Variants in BBS9 observed in about 807,000 individuals in gnomAD.
The protein encoded by BBS9 is Bardet-Biedl syndrome 9.
In BBS9, 89 loss-of-function variants were observed where a neutral mutation model predicts 117.7. The observed-to-expected ratio is 0.76, with a 90% CI of 0.64 to 0.90. The LOEUF (loss-of-function observed/expected upper bound fraction) is 0.90, where lower values mean the gene tolerates loss of function less well. Among genes scored for constraint, BBS9 ranks in the 40% least tolerant of loss-of-function variants. BBS9 has a pLI of 0.00. For synonymous variants in BBS9, 379 were observed against 370.9 expected (o/e 1.02, Z -0.25); for missense variants, 982 against 1,042.2 (o/e 0.94, Z 0.80).
At chr7:33,459,376 C>T (rs1270542842) in intron 19 of BBS9, among the ~76,000 whole-genome samples, 1 of 151,636 alleles carries the variant, frequency 6.6e-6, no homozygotes, top group Admixed American at 6.6e-5. Flanking sequence ...GAGAGGATAC[C>T]ATTGGCATCT....
At chr7:33,592,476 T>C (rs1405323385) in intron 21 of BBS9, among the ~76,000 whole-genome samples, 66 of 152,118 alleles carry the variant, frequency 4.3e-4, no homozygotes, top group Admixed American at 4.3e-3. Context: ...CTCTTTTCTT[T>C]AAAATACGAC....
chr7:33,351,193 T>G, intron 13 of BBS9, 26 bp from the exon 14 acceptor site: 1 of 1,477,644 alleles, frequency 6.8e-7, no homozygotes, highest in Non-Finnish European at 9.5e-7. Context: ...ATTATGTAAT[T>G]TATATTATTT....
At chr7:33,464,278 C>A (rs1839871465) in intron 19 of BBS9, among the ~76,000 whole-genome samples, 1 of 151,962 alleles carries the variant, frequency 6.6e-6, no homozygotes, top group South Asian at 2.1e-4. Flanking sequence ...TTTTGGTAAC[C>A]TGGGGTAATT....
At chr7:33,335,062 A>G (rs777940634) in intron 9 of BBS9, among the ~76,000 whole-genome samples, 1 of 152,176 alleles carries the variant, frequency 6.6e-6, no homozygotes, top group Non-Finnish European at 1.5e-5. Flanking sequence ...GAGCTTTTAG[A>G]TTAATGAAAT....
intron 5 of BBS9, among the ~76,000 whole-genome samples, chr7:33,217,101 CA>C (rs1789223145): frequency 6.6e-6 from 1 of 151,268 alleles, no homozygotes. Context: ...TCTCCAAAAA[CA>C]AAAAAAATTA....
intron 9 of BBS9, among the ~76,000 whole-genome samples, chr7:33,315,964 G>A (rs1810415178): frequency 6.6e-6 from 1 of 151,840 alleles, no homozygotes; most frequent in Admixed American, 6.6e-5. Flanking sequence ...ATGGCTTTTT[G>A]TAAGGTAAAA....
rs1815377056 is a variant in BBS9, at chr7:33,336,473, A to G, written c.1049A>G (p.Asp350Gly). The G allele has an allele frequency of 6.2e-7, 1 of 1,613,800 alleles. No individual in the cohort carries two copies. Among genetic ancestry groups the G allele is most frequent in the African/African-American group, 1.3e-5 (1 of 74,914 alleles). Reference protein sequence around the residue: ...DLKGVIVTLSDDGHLQCSYLG... With the variant: ...DLKGVIVTLSGDGHLQCSYLG... ...AAGGGAGTGATAGTCACTCTGAGTG[A>G]TGATGGTCACTTGCAGTGTTCATAC... The change falls in exon 10 of 23, where the codon GAT (aspartate) becomes GGT (glycine). Residue 350 changes from aspartate (D) to glycine (G), a missense_variant. Asp to Gly is a moderately conservative substitution (Grantham distance 94, BLOSUM62 -1). Transcript: ENST00000242067.
intron 19 of BBS9, among the ~76,000 whole-genome samples, chr7:33,465,111 A>G (rs1457564637): frequency 6.6e-6 from 1 of 152,000 alleles, no homozygotes; most frequent in East Asian, 1.9e-4. Context: ...GTTCTTCCAT[A>G]AAAGCCAGAG....
intron 4 of BBS9, among the ~76,000 whole-genome samples, chr7:33,160,191 T>C (rs1794642755): frequency 6.6e-6 from 1 of 152,226 alleles, no homozygotes; most frequent in African/African-American, 2.4e-5. Flanking sequence ...TCATGAGGGA[T>C]ACATTTCTAA....
intron 19 of BBS9, among the ~76,000 whole-genome samples, chr7:33,474,404 A>C (rs1244426169): frequency 6.6e-6 from 1 of 152,160 alleles, no homozygotes; most frequent in African/African-American, 2.4e-5. Flanking sequence ...TTTGCCCCTT[A>C]ACTTTAATTT....
intron 5 of BBS9, among the ~76,000 whole-genome samples, chr7:33,219,004 G>A (rs1035199306): frequency 3.9e-5 from 6 of 152,348 alleles, no homozygotes; most frequent in East Asian, 1.9e-4. Flanking sequence ...CCCGGGCTGC[G>A]GGCGGCGCTT....
intron 19 of BBS9, among the ~76,000 whole-genome samples, chr7:33,477,186 C>T (rs1029351725): frequency 2.6e-5 from 4 of 152,150 alleles, no homozygotes; most frequent in Non-Finnish European, 5.9e-5. Flanking sequence ...GGGAATAATA[C>T]ACTAAATGCA....
At chr7:33,590,803 C>T (rs961777704) in intron 21 of BBS9, among the ~76,000 whole-genome samples, 2 of 151,802 alleles carry the variant, frequency 1.3e-5, no homozygotes, top group Non-Finnish European at 2.9e-5. Context: ...TTATTATCTG[C>T]ATTTTACAAA....
intron 3 of BBS9, among the ~76,000 whole-genome samples, chr7:33,153,286 G>A (rs1793632752): frequency 6.6e-6 from 1 of 152,136 alleles, no homozygotes; most frequent in African/African-American, 2.4e-5. Flanking sequence ...CTTGAAAGAA[G>A]TCAGTTCAAC....
intron 9 of BBS9, among the ~76,000 whole-genome samples, chr7:33,324,225 G>A (rs1277070348): frequency 6.6e-6 from 1 of 152,032 alleles, no homozygotes; most frequent in Non-Finnish European, 1.5e-5. Context: ...TGTTGTATGT[G>A]TTTTGATTTG....
At chr7:33,227,552 A>G (rs10264349) in intron 5 of BBS9, among the ~76,000 whole-genome samples, 4,403 of 152,158 alleles carry the variant, frequency 0.029, 104 homozygotes, top group Non-Finnish European at 0.04. Context: ...ATTTTGGTGC[A>G]CCTGTCAGCT....
chr7:33,371,332 T>C (rs958008083), intron 17 of BBS9, among the ~76,000 whole-genome samples: 1 of 152,176 alleles, frequency 6.6e-6, no homozygotes, highest in African/African-American at 2.4e-5. Context: ...TGGTCTAAGC[T>C]GCAGCCTGAT....
intron 5 of BBS9, among the ~76,000 whole-genome samples, chr7:33,240,967 A>C (rs1314643022): frequency 6.6e-6 from 1 of 152,170 alleles, no homozygotes. Context: ...GGAGATAAAC[A>C]TTAAGTAGAT....
At chr7:33,377,215 T>C (rs1402318569) in intron 17 of BBS9, among the ~76,000 whole-genome samples, 9 of 152,292 alleles carry the variant, frequency 5.9e-5, no homozygotes, top group Admixed American at 2.6e-4. Flanking sequence ...CTTGAGTTGA[T>C]TTTTGTATGT....
Sources: gnomAD v4.1 joint callset for allele counts (sites outside exome capture counted in the v4.1 genomes callset) on GRCh38, gnomAD v4.1.1 for gene constraint, MANE v1.5 for transcripts, NCBI Gene and HGNC (gene_info 2026-07-23, HGNC 2026-07-21) for gene names.